Variants in OVOL1 observed in about 807,000 individuals in gnomAD.
The protein encoded by OVOL1 is putative transcription factor Ovo-like 1.
Under a neutral mutation model 21.5 loss-of-function variants are expected in OVOL1, and 10 were observed. The observed-to-expected ratio is 0.46, with a 90% CI of 0.29 to 0.79. The LOEUF (loss-of-function observed/expected upper bound fraction) is 0.79, where lower values mean the gene tolerates loss of function less well. Among genes scored for constraint, OVOL1 ranks in the 30% least tolerant of loss-of-function variants. The pLI is 0.10. For missense variants in OVOL1, 279 were observed against 362.3 expected (o/e 0.77, Z 1.87); for synonymous variants, 129 against 150.3 (o/e 0.86, Z 1.03).
chr11:65,795,186 G>T lies in OVOL1; in HGVS notation c.649G>T (p.Glu217Ter). Residue 217 changes from glutamate to a stop codon, truncating the protein, a stop_gained, in exon 4 of 4, where the codon GAG becomes TAG. Transcript: ENST00000335987. LOFTEE classifies it high-confidence loss of function. This position sits in a 1 kb window ranked among gnomAD's most constrained non-coding sequence, Gnocchi z 5.7. ...ERRAKLYVCEECGCTSESQEG... is the reference protein window; with the variant it reads ...ERRAKLYVCE The stretch of plus-strand genomic sequence containing the variant: ...GCGGGCCAAGCTGTACGTGTGTGAG[G>T]AGTGCGGCTGCACATCTGAGAGCCA... 6.2e-7 allele frequency: 1 copy of T among 1,613,276 alleles called. No individual in the cohort carries two copies. Among genetic ancestry groups the T allele is most frequent in the Non-Finnish European group, 8.5e-7 (1 of 1,180,014 alleles).
chr11:65,787,937 T>A (rs1313474440), intron 1 of OVOL1, among the ~76,000 whole-genome samples: 1 of 152,138 alleles, frequency 6.6e-6, no homozygotes, highest in African/African-American at 2.4e-5. Context: ...AGCTCAGAGC[T>A]TCAGCCGCTC....
chr11:65,787,254 CTTA>C lies in OVOL1; in HGVS notation c.-119_-117del. On this transcript the variant is annotated 5_prime_UTR_variant, in exon 1 of 4. Transcript: ENST00000335987. Reference sequence around the variant, plus strand: ...GACCTTCCCCGGAACGTGGGGGCGCCTTAGCGACTCCTTCCCTGTTGTGCCCCC... The same window carrying C: ...GACCTTCCCCGGAACGTGGGGGCGCCGCGACTCCTTCCCTGTTGTGCCCCC... 1.3e-6 allele frequency: 1 copy of C among 776,562 alleles called. No individual in the cohort carries two copies. The allele number at this position is 776,562 out of a possible 1,614,324, so 48.1% of individuals were successfully genotyped here.
rs76185565 is a variant in OVOL1, at chr11:65,787,239, G to A, written c.-135G>A. On this transcript the variant is annotated 5_prime_UTR_variant, in exon 1 of 4. Coordinates refer to ENST00000335987, the MANE Select transcript of OVOL1 (RefSeq NM_004561.4). ...CGCCGTCCGGGCTCGGACCTTCCCC[G>A]GAACGTGGGGGCGCCTTAGCGACTC... The A allele has an allele frequency of 1.1e-5, 7 of 656,292 alleles. No homozygotes were observed. Among genetic ancestry groups the A allele is most frequent in the East Asian group, 7.6e-5 (2 of 26,470 alleles). 40.7% of individuals were successfully genotyped at this position (656,292 alleles called of 1,614,324 possible).
intron 1 of OVOL1, 74 bp downstream of exon 1, chr11:65,787,547 GGT>G: frequency 1.2e-6 from 1 of 865,672 alleles, no homozygotes; most frequent in Non-Finnish European, 1.5e-6. Context: ...GGCGGGCGCA[GGT>G]CCGCGGAGCC....
intron 1 of OVOL1, among the ~76,000 whole-genome samples, chr11:65,792,038 C>T (rs1025268151): frequency 2.0e-5 from 3 of 152,186 alleles, no homozygotes; most frequent in South Asian, 2.1e-4. Context: ...AGCGGGTGGC[C>T]GCCCATCCAG....
At chr11:65,789,195 C>G (rs903059103) in intron 1 of OVOL1, 1 of 483,894 alleles carries the variant, frequency 2.1e-6, no homozygotes, top group African/African-American at 2.1e-5. Flanking sequence ...TCTTTTTGTC[C>G]TAGCTATTTT....
At chr11:65,788,453 C>A in intron 1 of OVOL1, 1 of 984,294 alleles carries the variant, frequency 1.0e-6, no homozygotes, top group Non-Finnish European at 1.2e-6. Context: ...ACGCTCTGAA[C>A]GCCCAGCCCA....
intron 1 of OVOL1, chr11:65,792,269 G>A (rs1858035773): frequency 6.6e-6 from 1 of 152,518 alleles, no homozygotes; most frequent in African/African-American, 2.4e-5. Context: ...CCACCCTTGT[G>A]GGCTCAGCCC....
intron 1 of OVOL1, among the ~76,000 whole-genome samples, chr11:65,793,213 C>T (rs1858057839): frequency 6.6e-6 from 1 of 152,346 alleles, no homozygotes; most frequent in South Asian, 2.1e-4. Context: ...GGCTCAGGGT[C>T]TGAAGCCAAG....
intron 1 of OVOL1, chr11:65,788,399 T>C: frequency 1.0e-6 from 1 of 969,686 alleles, no homozygotes; most frequent in Non-Finnish European, 1.2e-6. Flanking sequence ...AAAGCCTGCT[T>C]CCTTCCGAAC....
At position 65,787,134 on chromosome 11, in the gene OVOL1, G is replaced by A. The variant is rs1049415477; in HGVS notation, c.-240G>A. On this transcript the variant is annotated 5_prime_UTR_variant, in exon 1 of 4. Transcript: ENST00000335987. The stretch of plus-strand genomic sequence containing the variant: ...GGAGACGCTTACCTGCCGCTTCCCC[G>A]CGCCGCCCGGTGCACCTGGCCGCAA... The A allele has an allele frequency of 1.4e-4, 54 of 397,954 alleles. No homozygotes were observed. The Admixed American group carries it at 1.8e-3, about 13-fold the overall frequency. The allele number at this position is 397,954 out of a possible 1,614,324, so 24.7% of individuals were successfully genotyped here.
rs769904817 is a variant in OVOL1 at position 65,794,063 on chromosome 11, C to G, written c.133C>G (p.Arg45Gly). Residue 45 changes from arginine (R) to glycine (G), a missense_variant, in exon 2 of 4, where the codon CGG (arginine) becomes GGG (glycine). Transcript: ENST00000335987. ...GGGCTTCTGCCCACCACAGCCCTAC[C>G]GGGAGCCGGAACCCTCTGTGGCCGA... ...SLGFCPPQPY[R>G]EPEPSVAEPP... 8.1e-6 allele frequency: 13 copies of G among 1,614,044 alleles called. No individual in the cohort carries two copies. The highest frequency in any genetic ancestry group is 2.2e-5 in the East Asian group (1 of 44,874).
In OVOL1 at chr11:65,796,582, T is replaced by C. The variant is rs1387930295; in HGVS notation, c.*1241T>C. On this transcript the variant is annotated 3_prime_UTR_variant, in exon 4 of 4. Transcript: ENST00000335987. ...GAAACTTCCAGAGGGAGGAGAGGAT[T>C]TGATGGCTACCAAATTGTATCTGTT... is the stretch of plus-strand genomic sequence containing the variant. The C allele has an allele frequency of 6.6e-6, 1 of 152,288 alleles. No homozygotes were observed. The highest frequency in any genetic ancestry group is 2.4e-5 in the African/African-American group (1 of 41,428). The allele number at this position is 152,288 out of a possible 1,614,324, so 9.4% of individuals were successfully genotyped here.
At position 65,796,681 on chromosome 11, in the gene OVOL1, T is replaced by G. The variant is rs1004827390; in HGVS notation, c.*1340T>G. The G allele has an allele frequency of 4.6e-5, 7 of 152,392 alleles. No individual in the cohort carries two copies. The highest frequency in any genetic ancestry group is 1.0e-4 in the Non-Finnish European group (7 of 68,212). The allele number at this position is 152,392 out of a possible 1,614,324, so 9.4% of individuals were successfully genotyped here. On this transcript the variant is annotated 3_prime_UTR_variant, in exon 4 of 4. Coordinates refer to ENST00000335987, the MANE Select transcript of OVOL1 (RefSeq NM_004561.4). ...TGTGGGGAGACCCGTCCTGGCTGGCTGGCTGGCTCCCTTGCTCCCTTGCTG... is the reference window on the plus strand; with the variant it reads ...TGTGGGGAGACCCGTCCTGGCTGGCGGGCTGGCTCCCTTGCTCCCTTGCTG...
intron 1 of OVOL1, chr11:65,788,693 T>C (rs1366940641): frequency 1.0e-6 from 1 of 985,336 alleles, no homozygotes; most frequent in Admixed American, 6.1e-5. Context: ...CCTGTGGCGC[T>C]GGCAGGATGT....
chr11:65,787,193 C>T lies in OVOL1; in HGVS notation c.-181C>T. 2.1e-6 allele frequency: 1 copy of T among 485,356 alleles called. No homozygotes were observed. The highest frequency in any genetic ancestry group is 3.8e-6 in the Non-Finnish European group (1 of 259,830). The allele number at this position is 485,356 out of a possible 1,614,324, so 30.1% of individuals were successfully genotyped here. A position where few individuals can be genotyped will look rare whatever the true frequency, so the allele number is the denominator to read the frequency against. On this transcript the variant is annotated 5_prime_UTR_variant, in exon 1 of 4. Transcript: ENST00000335987. ...GTTCTCAGGGAAGACGGCGACATTCCGCGGAGGTGGAACCGCCGCGCGCCG... is the reference window on the plus strand; with the variant it reads ...GTTCTCAGGGAAGACGGCGACATTCTGCGGAGGTGGAACCGCCGCGCGCCG...
chr11:65,790,225 C>T (rs1857987731), intron 1 of OVOL1: 1 of 152,384 alleles, frequency 6.6e-6, no homozygotes, highest in Non-Finnish European at 1.5e-5. Context: ...TTCCCCCGAG[C>T]CCCACCCCAT....
intron 1 of OVOL1, chr11:65,789,765 C>T (rs1857972800): frequency 1.1e-6 from 1 of 923,538 alleles, no homozygotes; most frequent in Non-Finnish European, 1.3e-6. Context: ...TGTTTGAGTT[C>T]TGACCTTCCT....
chr11:65,794,789 A>C, intron 3 of OVOL1, 62 bp downstream of exon 3: 1 of 1,528,566 alleles, frequency 6.5e-7, no homozygotes. Context: ...GCCGTGCGGG[A>C]AAAGTCCAGC....
Sources: allele counts gnomAD v4.1 joint callset (sites outside exome capture counted in the v4.1 genomes callset), GRCh38; gene constraint gnomAD v4.1.1; non-coding constraint Gnocchi (gnomAD v3.1); transcripts MANE v1.5; gene names NCBI Gene and HGNC (gene_info 2026-07-23, HGNC 2026-07-21).